Variants in ABI3BP observed in about 807,000 individuals in gnomAD.
The protein encoded by ABI3BP is ABI family member 3 binding protein.
Under a neutral mutation model 268.6 loss-of-function variants are expected in ABI3BP, and 216 were observed. The ratio of observed to expected loss-of-function variants is 0.80; its 90% confidence interval spans 0.72 to 0.90. The LOEUF (loss-of-function observed/expected upper bound fraction) is 0.90. ABI3BP is among the 40% of genes least tolerant of loss of function. The probability of loss-of-function intolerance (pLI) is 0.00; values close to 1 mark genes in which losing one functional copy is unlikely to be tolerated. For missense variants in ABI3BP, 2,090 were observed against 2,182.4 expected, an observed-to-expected ratio of 0.96 and a Z score of 0.84; for synonymous variants, 730 against 730.0, an observed-to-expected ratio of 1.00 and a Z score of 0.00.
At position 100,810,447 on chromosome 3, in the gene ABI3BP, G is replaced by A. The variant is rs780327323; in HGVS notation, c.3572C>T (p.Thr1191Ile). 1 of 1,534,908 alleles carries A rather than the reference G, an allele frequency of 6.5e-7. No individual in the cohort carries two copies. The highest frequency in any genetic ancestry group is 1.4e-5 in the African/African-American group (1 of 72,966). ...ETSPLPSQSITLPSPDEPQTE... is the reference protein window; with the variant it reads ...ETSPLPSQSIILPSPDEPQTE... ...CTGAGGCTCATCTGGGCTGGGTAGGGTTATAGATTGAGAAGGCAGAGGCGA... is the reference window on the plus strand; with the variant it reads ...CTGAGGCTCATCTGGGCTGGGTAGGATTATAGATTGAGAAGGCAGAGGCGA... Residue 1191 changes from threonine (T) to isoleucine (I), a missense_variant, in exon 49 of 68, where the codon ACC becomes ATC. Transcript: ENST00000471714.
intron 6 of ABI3BP, among the ~76,000 whole-genome samples, chr3:100,884,948 C>T (rs1457207383): frequency 1.3e-5 from 2 of 151,496 alleles, no homozygotes; most frequent in Non-Finnish European, 2.9e-5. Context: ...ATGATGCTTC[C>T]TGAGAATAGA....
rs1472317948 is a variant in ABI3BP at position 100,753,004 on chromosome 3, A to G, written c.4961-56T>C. The stretch of plus-strand genomic sequence containing the variant: ...TCTGACTCTTGGGTCAGATACTTCA[A>G]GAAATCAGTTTACAAAATTTGTCAA... On this transcript the variant is annotated intron_variant, in intron 65 of 67. Coordinates refer to ENST00000471714, the MANE Select transcript of ABI3BP (RefSeq NM_001375547.2). The G allele has an allele frequency of 7.3e-6, 11 of 1,500,800 alleles. No individual in the cohort carries two copies. The East Asian group carries it at 2.1e-4, about 28-fold the overall frequency. 93.0% of individuals were successfully genotyped at this position (1,500,800 alleles called of 1,614,324 possible).
chr3:100,856,967 C>T (rs1158971844), intron 14 of ABI3BP, among the ~76,000 whole-genome samples: 1 of 152,090 alleles, frequency 6.6e-6, no homozygotes, highest in African/African-American at 2.4e-5. Context: ...TTGCTGCCAC[C>T]GTAACTGAAG....
chr3:100,797,567 T>TG (rs201056798), intron 51 of ABI3BP, among the ~76,000 whole-genome samples: 1 of 151,782 alleles, frequency 6.6e-6, no homozygotes, highest in African/African-American at 2.4e-5. Flanking sequence ...AAACTGTTTT[T>TG]TTTTTTTTTT....
chr3:100,815,708 G>C (rs746091058), intron 44 of ABI3BP, among the ~76,000 whole-genome samples: 5 of 152,040 alleles, frequency 3.3e-5, no homozygotes, highest in Non-Finnish European at 7.4e-5. Context: ...TTTCATGCTG[G>C]ACAGCTGTCC....
chr3:100,885,047 C>T (rs1395615520), intron 6 of ABI3BP, among the ~76,000 whole-genome samples: 3 of 152,026 alleles, frequency 2.0e-5, no homozygotes, highest in Non-Finnish European at 4.4e-5. Context: ...GGGGAAATGC[C>T]TGGTTCATAA....
intron 4 of ABI3BP, among the ~76,000 whole-genome samples, chr3:100,894,938 CAAAAAAAAAAAAAAAA>C (rs58342344): frequency 8.0e-5 from 3 of 37,732 alleles, no homozygotes; most frequent in African/African-American, 1.2e-4. Flanking sequence ...GATTCCGCTT[CAAAAAAAAAAAAAAAA>C]AAAAAAAAAA....
At chr3:100,969,691 G>C (rs1437477037) in intron 1 of ABI3BP, among the ~76,000 whole-genome samples, 1 of 152,056 alleles carries the variant, frequency 6.6e-6, no homozygotes, top group Admixed American at 6.6e-5. Flanking sequence ...AAAAAATCAT[G>C]TTTTTTTGAA....
rs998482675 is a variant in ABI3BP at position 100,818,571 on chromosome 3, T to G, written c.3042A>C (p.Thr1014=). ...EVPQTKLVPS[T]DLEPGTLRTE... is the part of the protein sequence containing the mutation. Reference sequence around the variant, plus strand: ...TTCTGAGAGTACCAGGTTCAAGATCTGTAGAAGGAACTAATTAAAAGCAAT... The same window carrying G: ...TTCTGAGAGTACCAGGTTCAAGATCGGTAGAAGGAACTAATTAAAAGCAAT... Residue 1014 remains threonine, a synonymous_variant, in exon 41 of 68, where the codon ACA becomes ACC. Coordinates refer to ENST00000471714, the MANE Select transcript of ABI3BP (RefSeq NM_001375547.2). The G allele has an allele frequency of 2.3e-5, 35 of 1,535,138 alleles. No individual in the cohort carries two copies. The highest frequency in any genetic ancestry group is 2.9e-5 in the Non-Finnish European group (33 of 1,146,208).
At position 100,804,690 on chromosome 3, in the gene ABI3BP, A is replaced by G. The variant is rs990941191; in HGVS notation, c.3757+102T>C. The G allele has an allele frequency of 6.2e-5, 65 of 1,041,140 alleles. 1 individual carries two copies. In the South Asian group the frequency reaches 7.1e-4, roughly 11 times the overall value. The allele number at this position is 1,041,140 out of a possible 1,614,324, so 64.5% of individuals were successfully genotyped here. On this transcript the variant is annotated intron_variant, in intron 51 of 67. Transcript: ENST00000471714. ...ATATGATACAACATGGGATTTAAAC[A>G]TAAGTGAAATATTGACCTCACTTCC...
chr3:100,810,540 AAC>A (rs1475677371), intron 48 of ABI3BP, 63 bp from the exon 49 acceptor site: 53 of 1,146,596 alleles, frequency 4.6e-5, no homozygotes, highest in South Asian at 2.0e-4. Context: ...GAGTACAGAT[AAC>A]AGACAGGATG....
At chr3:100,981,833 C>T (rs1036969875) in intron 1 of ABI3BP, among the ~76,000 whole-genome samples, 2 of 152,174 alleles carry the variant, frequency 1.3e-5, no homozygotes, top group African/African-American at 4.8e-5. Context: ...ACACTCTAGA[C>T]TTTGACACCC....
chr3:100,869,330 G>GT lies in ABI3BP; in HGVS notation c.911-2375dup, dbSNP rs144604645. On this transcript the variant is annotated intron_variant, in intron 9 of 67. Coordinates refer to ENST00000471714, the MANE Select transcript of ABI3BP (RefSeq NM_001375547.2). ...ATATTGTTTTTTCTTCTTCTTTTTGGTTTTTTTTTTTTTTTTTTTTTTTTT... is the reference window on the plus strand; with the variant it reads ...ATATTGTTTTTTCTTCTTCTTTTTGGTTTTTTTTTTTTTTTTTTTTTTTTTT... Among the ~76,000 whole-genome samples the GT allele has an allele frequency of 1.8e-3, 92 of 49,756 alleles. 11 individuals carry two copies. The highest frequency in any genetic ancestry group is 8.6e-3 in the South Asian group (7 of 812). The allele number at this position is 49,756 out of a possible 152,430, so 32.6% of individuals were successfully genotyped here.
At chr3:100,864,157 G>T (rs925243407) in intron 11 of ABI3BP, 81 bp from the exon 12 acceptor site, 2 of 895,434 alleles carry the variant, frequency 2.2e-6, no homozygotes, top group Non-Finnish European at 1.8e-6. Flanking sequence ...TGCACAGCAA[G>T]CTTTGTAACA....
At chr3:100,822,697 C>T (rs1404063648) in intron 37 of ABI3BP, 25 bp from the exon 38 acceptor site, 11 of 1,523,142 alleles carry the variant, frequency 7.2e-6, no homozygotes, top group Middle Eastern at 3.3e-4. Context: ...TCTTGGGTTA[C>T]AACATAACTG....
chr3:100,924,415 ATTT>A (rs573181103), intron 2 of ABI3BP, among the ~76,000 whole-genome samples: 1 of 152,162 alleles, frequency 6.6e-6, no homozygotes, highest in Non-Finnish European at 1.5e-5. Context: ...TATTAAAAAT[ATTT>A]TTTATCTGTT....
chr3:100,861,612 C>A (rs1362667121), intron 14 of ABI3BP, among the ~76,000 whole-genome samples: 1 of 151,010 alleles, frequency 6.6e-6, no homozygotes, highest in Non-Finnish European at 1.5e-5. Context: ...AAAAGATGTA[C>A]AGAATTTAAT....
chr3:100,850,849 G>C, intron 15 of ABI3BP, 115 bp from the exon 16 acceptor site: 1 of 739,042 alleles, frequency 1.4e-6, no homozygotes, highest in Non-Finnish European at 2.3e-6. Context: ...GAATACTTGA[G>C]GGCTTGCTGG....
At chr3:100,777,678 T>TC (rs1443747906) in intron 59 of ABI3BP, among the ~76,000 whole-genome samples, 2 of 152,084 alleles carry the variant, frequency 1.3e-5, no homozygotes, top group East Asian at 3.9e-4. Flanking sequence ...AGTCTGAGTA[T>TC]CCCAAGCCAA....
Sources: gnomAD v4.1 joint callset for allele counts (sites outside exome capture counted in the v4.1 genomes callset) on GRCh38, gnomAD v4.1.1 for gene constraint, MANE v1.5 for transcripts, NCBI Gene and HGNC (gene_info 2026-07-23, HGNC 2026-07-21) for gene names.